Variants in ITPR2 observed in about 807,000 individuals in gnomAD.
ITPR2 encodes the protein inositol 1,4,5-trisphosphate receptor type 2, also known as inositol 1,4,5-trisphosphate-gated calcium channel ITPR2.
Under a neutral mutation model 317.1 loss-of-function variants are expected in ITPR2, and 207 were observed. The observed-to-expected ratio is 0.65, with a 90% CI of 0.58 to 0.73. ITPR2 has a LOEUF of 0.73. ITPR2 is among the 30% of genes least tolerant of loss of function. The pLI is 0.00. For missense variants in ITPR2, 2,613 were observed against 3,284.0 expected (o/e 0.80, Z 4.99); for synonymous variants, 1,156 against 1,149.1 (o/e 1.01, Z -0.12).
At chr12:26,708,884 G>C (rs764297527) in intron 9 of ITPR2, among the ~76,000 whole-genome samples, 2 of 152,112 alleles carry the variant, frequency 1.3e-5, no homozygotes, top group African/African-American at 4.8e-5. Context: ...AAGTGTATAC[G>C]TATACTATGT....
chr12:26,546,851 C>T (rs11048573), intron 37 of ITPR2, among the ~76,000 whole-genome samples: 12,340 of 152,132 alleles, frequency 0.081, 1,236 homozygotes, highest in East Asian at 0.46. Context: ...TGGACAGTCA[C>T]ATGCAGAAGA....
At chr12:26,594,071 A>G (rs1423147057) in intron 32 of ITPR2, among the ~76,000 whole-genome samples, 1 of 152,210 alleles carries the variant, frequency 6.6e-6, no homozygotes, top group Non-Finnish European at 1.5e-5. Flanking sequence ...GAGATACTAT[A>G]GCTGGTCAGA....
chr12:26,510,401 T>C (rs1302972576), intron 37 of ITPR2, among the ~76,000 whole-genome samples: 3 of 152,162 alleles, frequency 2.0e-5, no homozygotes, highest in African/African-American at 4.8e-5. Context: ...GAAGAAGACA[T>C]GTAGCTTCCA....
chr12:26,367,762 T>C (rs1033049898), intron 55 of ITPR2, among the ~76,000 whole-genome samples: 1 of 152,218 alleles, frequency 6.6e-6, no homozygotes, highest in Non-Finnish European at 1.5e-5. Flanking sequence ...GGTTGCCAGA[T>C]AGAGAAATTG....
At chr12:26,377,156 G>A (rs758809567) in intron 55 of ITPR2, among the ~76,000 whole-genome samples, 7 of 152,040 alleles carry the variant, frequency 4.6e-5, no homozygotes, top group Non-Finnish European at 7.4e-5. Flanking sequence ...CTCCCTCTAC[G>A]TGTTCCATCT....
intron 2 of ITPR2, among the ~76,000 whole-genome samples, chr12:26,770,483 C>T (rs1949819669): frequency 1.3e-5 from 2 of 152,154 alleles, no homozygotes; most frequent in Admixed American, 6.5e-5. Context: ...ATTCTCTTCT[C>T]TGTGCTTCTA....
chr12:26,679,371 G>T (rs1947982692), intron 13 of ITPR2, among the ~76,000 whole-genome samples: 1 of 152,124 alleles, frequency 6.6e-6, no homozygotes, highest in Non-Finnish European at 1.5e-5. Flanking sequence ...CTTTTGTATT[G>T]TAAGATGTAT....
chr12:26,466,463 G>T (rs999456679), intron 45 of ITPR2, among the ~76,000 whole-genome samples: 1 of 152,090 alleles, frequency 6.6e-6, no homozygotes. Context: ...CATGGCTTTT[G>T]ATCTTGTATT....
At chr12:26,658,230 A>G (rs1259095388) in intron 16 of ITPR2, 100 bp from the exon 17 acceptor site, 3 of 729,198 alleles carry the variant, frequency 4.1e-6, no homozygotes, top group Non-Finnish European at 5.9e-6. Context: ...TAAACTTATT[A>G]TATGTTTTAA....
chr12:26,686,673 C>G, intron 10 of ITPR2, 41 bp from the exon 11 acceptor site: 3 of 1,535,678 alleles, frequency 2.0e-6, no homozygotes, highest in Non-Finnish European at 2.7e-6. Context: ...TATCACGTTT[C>G]TTGCTAAACT....
At chr12:26,663,202 T>A (rs1458794198) in intron 15 of ITPR2, among the ~76,000 whole-genome samples, 2 of 152,234 alleles carry the variant, frequency 1.3e-5, no homozygotes, top group Non-Finnish European at 2.9e-5. Flanking sequence ...GGCTTCCTTC[T>A]CCAAGTATTC....
chr12:26,772,491 C>CATATATTATATATATAATAT (rs1949879049), intron 2 of ITPR2, among the ~76,000 whole-genome samples: 2 of 100,504 alleles, frequency 2.0e-5, no homozygotes, highest in African/African-American at 3.5e-5. Context: ...ATATATAATA[C>CATATATTATATATATAATAT]ATATAATACA....
intron 10 of ITPR2, among the ~76,000 whole-genome samples, chr12:26,692,819 A>G (rs1948265645): frequency 6.6e-6 from 1 of 152,182 alleles, no homozygotes; most frequent in Non-Finnish European, 1.5e-5. Flanking sequence ...TGGGCATTAC[A>G]TAGACAACGT....
chr12:26,801,090 G>A (rs148714621), intron 1 of ITPR2: 62 of 192,812 alleles, frequency 3.2e-4, no homozygotes, highest in African/African-American at 1.4e-3. Flanking sequence ...GGCCTAAAAC[G>A]AGGAGGGTGA....
chr12:26,484,689 G>T (rs955648048), intron 41 of ITPR2, among the ~76,000 whole-genome samples: 6 of 152,046 alleles, frequency 3.9e-5, no homozygotes, highest in African/African-American at 1.4e-4. Flanking sequence ...AATGAAAAAT[G>T]TAAGTTGAGG....
chr12:26,489,754 G>A (rs1231267365), intron 39 of ITPR2, among the ~76,000 whole-genome samples: 2 of 152,212 alleles, frequency 1.3e-5, no homozygotes, highest in East Asian at 1.9e-4. Flanking sequence ...TTGACTTAAT[G>A]TAGTTAGAAA....
At chr12:26,560,834 A>T (rs1452552003) in intron 35 of ITPR2, among the ~76,000 whole-genome samples, 1 of 152,166 alleles carries the variant, frequency 6.6e-6, no homozygotes, top group African/African-American at 2.4e-5. Flanking sequence ...TACCTCTCAT[A>T]ATATTTATTT....
At chr12:26,422,870 T>G (rs925137638) in intron 49 of ITPR2, among the ~76,000 whole-genome samples, 1 of 152,216 alleles carries the variant, frequency 6.6e-6, no homozygotes, top group African/African-American at 2.4e-5. Flanking sequence ...TACCATATTT[T>G]CATCAACCAT....
At chr12:26,453,043 T>C (rs1941777557) in intron 45 of ITPR2, among the ~76,000 whole-genome samples, 1 of 152,172 alleles carries the variant, frequency 6.6e-6, no homozygotes, top group Non-Finnish European at 1.5e-5. Context: ...AAAAATTATC[T>C]TCTAAAACAA....
Sources: gnomAD v4.1 joint callset for allele counts (sites outside exome capture counted in the v4.1 genomes callset) on GRCh38, gnomAD v4.1.1 for gene constraint, MANE v1.5 for transcripts, NCBI Gene and HGNC (gene_info 2026-07-23, HGNC 2026-07-21) for gene names.